The following PSTPIP2 variants were observed in gnomAD, a reference collection of about 807,000 sequenced individuals.
The protein encoded by PSTPIP2 is proline-serine-threonine phosphatase-interacting protein 2.
PSTPIP2 carries 33 observed loss-of-function variants against 63.3 expected under a neutral mutation model. The observed-to-expected ratio is 0.52, with a 90% CI of 0.40 to 0.70. PSTPIP2 has a LOEUF of 0.70. Ranked by LOEUF, PSTPIP2 falls within the 30% of genes least tolerant of loss-of-function variation. The pLI is 0.00. For missense variants in PSTPIP2, 312 were observed against 400.7 expected (o/e 0.78, Z 1.89); for synonymous variants, 125 against 132.7 (o/e 0.94, Z 0.40).
chr18:46,038,478 A>G (rs767886208), intron 2 of PSTPIP2, among the ~76,000 whole-genome samples: 2 of 152,158 alleles, frequency 1.3e-5, no homozygotes, highest in African/African-American at 2.4e-5. Flanking sequence ...GAGGAAATTT[A>G]TAGAAGCCAT....
At chr18:46,021,489 A>G (rs1242305858) in intron 3 of PSTPIP2, among the ~76,000 whole-genome samples, 1 of 151,610 alleles carries the variant, frequency 6.6e-6, no homozygotes, top group African/African-American at 2.4e-5. Context: ...TAGGTCTTCA[A>G]TATAAGAGGA....
At chr18:45,987,020 G>A (rs903406248) in intron 14 of PSTPIP2, among the ~76,000 whole-genome samples, 1 of 152,062 alleles carries the variant, frequency 6.6e-6, no homozygotes, top group Non-Finnish European at 1.5e-5. Context: ...TGTATTTTTT[G>A]TTTGTTTGTT....
chr18:46,029,537 G>C (rs958406805), intron 2 of PSTPIP2: 1 of 804,802 alleles, frequency 1.2e-6, no homozygotes, highest in East Asian at 2.4e-5. Flanking sequence ...GGTTCTAATT[G>C]TGGAGCAGTA....
chr18:45,985,286 T>C lies in PSTPIP2; in HGVS notation c.*173A>G, dbSNP rs945836938. On this transcript the variant is annotated 3_prime_UTR_variant, in exon 15 of 15. Coordinates refer to ENST00000409746, the MANE Select transcript of PSTPIP2 (RefSeq NM_024430.4). ...CTTCAAAAAACTGCAGAACTCTACT[T>C]GCTTATGTTGTCCTAAATGTCTACC... 2.3e-6 allele frequency: 2 copies of C among 860,070 alleles called. No individual in the cohort carries two copies. Among genetic ancestry groups the C allele is most frequent in the African/African-American group, 3.6e-5 (2 of 55,958 alleles). 53.3% of individuals were successfully genotyped at this position (860,070 alleles called of 1,614,324 possible). A position where few individuals can be genotyped will look rare whatever the true frequency, so the allele number is the denominator to read the frequency against.
At chr18:46,003,223 G>T (rs766708848) in intron 6 of PSTPIP2, among the ~76,000 whole-genome samples, 11 of 152,138 alleles carry the variant, frequency 7.2e-5, no homozygotes, top group Non-Finnish European at 1.5e-4. Context: ...GGAGGGAGAG[G>T]GTGTACATCA....
intron 1 of PSTPIP2, among the ~76,000 whole-genome samples, chr18:46,067,372 G>A (rs1004540105): frequency 1.3e-5 from 2 of 151,562 alleles, no homozygotes; most frequent in African/African-American, 2.4e-5. Context: ...GCGTGGTGGC[G>A]GGCCCCTGTA....
Position 45,992,167 on chromosome 18 carries a change from G to A in PSTPIP2, c.777C>T (p.Cys259=). ...YEQVRKSLEM[C]SIQRDIEYFV... ...AGTATTCAATGTCCCTCTGAATGCT[G>A]CACATTTCTAAACTCTTTCGGACTT... The change falls in exon 11 of 15, where the codon TGC becomes TGT. Residue 259 remains cysteine (C), a synonymous_variant. Transcript: ENST00000409746. 1 of 1,605,124 alleles carries A rather than the reference G, an allele frequency of 6.2e-7. No individual in the cohort carries two copies. The highest frequency in any genetic ancestry group is 8.5e-7 in the Non-Finnish European group (1 of 1,175,420).
rs781359762 is a variant in PSTPIP2, at chr18:46,024,644, G to A, written c.177C>T (p.Leu59=). Residue 59 remains leucine, a synonymous_variant, in exon 3 of 15, where the codon CTC becomes CTT. Transcript: ENST00000409746. ...ACTGTCCACACGGCTTCTTCCTAGA[G>A]AGGTTGAGCAGATCTTTGCCATACC... ...EERYGKDLLN[L]SRKKPCGQSE... 41 of 1,614,150 alleles carry A rather than the reference G, an allele frequency of 2.5e-5. No homozygotes were observed. The highest frequency in any genetic ancestry group is 1.1e-4 in the South Asian group (10 of 91,072).
At chr18:46,054,582 T>C (rs1382462304) in intron 1 of PSTPIP2, among the ~76,000 whole-genome samples, 8 of 151,830 alleles carry the variant, frequency 5.3e-5, no homozygotes, top group Admixed American at 1.3e-4. Context: ...ATAGGAAAAA[T>C]AGGGAGAACG....
At chr18:46,042,986 T>A (rs932359399) in intron 1 of PSTPIP2, among the ~76,000 whole-genome samples, 3 of 152,088 alleles carry the variant, frequency 2.0e-5, no homozygotes, top group African/African-American at 7.2e-5. Flanking sequence ...TCTGGGTTTT[T>A]TAAAGGCTGG....
rs113078149 is a variant in PSTPIP2, at chr18:46,005,687, T to C, written c.355-156A>G. The stretch of plus-strand genomic sequence containing the variant: ...GAGAAAAGAGACCAAACAATTTGCC[T>C]AAGCTCTTATTCCTAGCTAATAACG... On this transcript the variant is annotated intron_variant, in intron 5 of 14. Coordinates refer to ENST00000409746, the MANE Select transcript of PSTPIP2 (RefSeq NM_024430.4). 2.2e-3 allele frequency among the ~76,000 whole-genome samples: 341 copies of C among 152,334 alleles called. 3 individuals are homozygous for C. Among genetic ancestry groups the C allele is most frequent in the Middle Eastern group, 0.014 (4 of 294 alleles).
intron 3 of PSTPIP2, among the ~76,000 whole-genome samples, chr18:46,021,209 A>C (rs1020866174): frequency 2.0e-5 from 3 of 152,222 alleles, no homozygotes; most frequent in Admixed American, 6.5e-5. Context: ...AACAGGAAAA[A>C]GAAAACAATC....
intron 1 of PSTPIP2, among the ~76,000 whole-genome samples, chr18:46,045,671 GTAAATAAA>G (rs140184557): frequency 0.38 from 57,496 of 151,138 alleles, 11,596 homozygotes; most frequent in Middle Eastern, 0.53. Flanking sequence ...CAATAATAAA[GTAAATAAA>G]TAAATAAATA....
At chr18:46,024,975 A>T (rs1412697811) in intron 2 of PSTPIP2, among the ~76,000 whole-genome samples, 1 of 152,144 alleles carries the variant, frequency 6.6e-6, no homozygotes, top group Non-Finnish European at 1.5e-5. Context: ...GAAATGCCCA[A>T]CCCTCCTCCA....
chr18:46,033,051 G>T (rs1907839303), intron 2 of PSTPIP2, among the ~76,000 whole-genome samples: 1 of 152,208 alleles, frequency 6.6e-6, no homozygotes, highest in African/African-American at 2.4e-5. Context: ...GATCCAAGGG[G>T]CTCTCACAGA....
chr18:46,000,917 A>T (rs1394668596), intron 6 of PSTPIP2, among the ~76,000 whole-genome samples: 2 of 152,260 alleles, frequency 1.3e-5, no homozygotes, highest in Admixed American at 1.3e-4. Flanking sequence ...GCTAATAAAT[A>T]AAAATGATGA....
At chr18:46,037,585 G>C (rs1392354321) in intron 2 of PSTPIP2, among the ~76,000 whole-genome samples, 1 of 152,194 alleles carries the variant, frequency 6.6e-6, no homozygotes, top group Non-Finnish European at 1.5e-5. Flanking sequence ...CCGAACAAGA[G>C]GAAAGCTGGA....
chr18:46,036,109 TTTAA>T (rs1206230965), intron 2 of PSTPIP2, among the ~76,000 whole-genome samples: 8 of 148,762 alleles, frequency 5.4e-5, no homozygotes, highest in African/African-American at 1.7e-4. Context: ...TATTAATTAA[TTTAA>T]TTAATATCAT....
intron 1 of PSTPIP2, among the ~76,000 whole-genome samples, chr18:46,069,603 C>T (rs890319683): frequency 3.3e-5 from 5 of 152,226 alleles, no homozygotes; most frequent in Admixed American, 3.3e-4. Context: ...TGATTATTCC[C>T]TTTTGAAGCA....
Sources: gnomAD v4.1 joint callset for allele counts (sites outside exome capture counted in the v4.1 genomes callset) on GRCh38, gnomAD v4.1.1 for gene constraint, MANE v1.5 for transcripts, NCBI Gene and HGNC (gene_info 2026-07-23, HGNC 2026-07-21) for gene names.